Variants in RBMS3 observed in about 807,000 individuals in gnomAD.
The protein encoded by RBMS3 is RNA-binding motif, single-stranded-interacting protein 3.
A neutral mutation model predicts 66.8 loss-of-function variants in RBMS3; 27 were observed. The ratio of observed to expected loss-of-function variants is 0.40; its 90% CI spans 0.30 to 0.56. RBMS3 has a LOEUF of 0.56. Ranked by LOEUF, RBMS3 falls within the 20% of genes least tolerant of loss-of-function variation. The probability of loss-of-function intolerance (pLI) is 0.40; values close to 1 mark genes in which losing one functional copy is unlikely to be tolerated. For synonymous variants in RBMS3, 188 were observed against 183.0 expected (o/e 1.03, Z -0.22); for missense variants, 513 against 549.5 (o/e 0.93, Z 0.66).
intron 4 of RBMS3, among the ~76,000 whole-genome samples, chr3:29,680,006 A>G (rs1320971672): frequency 6.6e-6 from 1 of 152,064 alleles, no homozygotes; most frequent in Non-Finnish European, 1.5e-5. Context: ...CTGATAAAAT[A>G]CCTTTGTGTT....
At chr3:29,970,990 G>A (rs1271256999) in intron 12 of RBMS3, among the ~76,000 whole-genome samples, 1 of 152,050 alleles carries the variant, frequency 6.6e-6, no homozygotes, top group African/African-American at 2.4e-5. Flanking sequence ...AGCTTCTTCA[G>A]GTTTTCTCTC....
intron 4 of RBMS3, among the ~76,000 whole-genome samples, chr3:29,724,680 T>A (rs898353088): frequency 6.6e-6 from 1 of 152,176 alleles, no homozygotes; most frequent in Admixed American, 6.6e-5. Flanking sequence ...TCTTTTACAT[T>A]TTAAAATTTA....
At chr3:29,375,900 C>T (rs557383733) in intron 1 of RBMS3, among the ~76,000 whole-genome samples, 21 of 152,174 alleles carry the variant, frequency 1.4e-4, no homozygotes, top group East Asian at 3.9e-4. Context: ...CATGCACGTG[C>T]GTGCTCATTG....
At chr3:29,545,567 C>A (rs774426490) in intron 3 of RBMS3, among the ~76,000 whole-genome samples, 2 of 152,018 alleles carry the variant, frequency 1.3e-5, no homozygotes, top group Admixed American at 1.3e-4. Flanking sequence ...GGCATTTCAG[C>A]GCTATGTTGA....
In RBMS3 at chr3:29,545,193, C is replaced by G. The variant is rs551527480; in HGVS notation, c.308-41921C>G. ...AAATGATGTCACATATTTATATGTA[C>G]TGATGTAGTATAATGTCCATAATGC... On this transcript the variant is annotated intron_variant, in intron 3 of 14. Transcript: ENST00000383767. Among the ~76,000 whole-genome samples the G allele has an allele frequency of 4.6e-5, 7 of 152,056 alleles. No homozygotes were observed. In the East Asian group the frequency reaches 1.4e-3, roughly 29 times the overall value.
At chr3:29,585,136 T>A (rs2149090286) in intron 3 of RBMS3, among the ~76,000 whole-genome samples, 1 of 152,244 alleles carries the variant, frequency 6.6e-6, no homozygotes. Flanking sequence ...GTGCAGTGCC[T>A]GAAATAGAAC....
At chr3:29,746,236 G>T (rs1028661276) in intron 5 of RBMS3, among the ~76,000 whole-genome samples, 7 of 152,098 alleles carry the variant, frequency 4.6e-5, no homozygotes, top group African/African-American at 1.7e-4. Flanking sequence ...TTGGAGTATT[G>T]TTTTGACTGT....
chr3:29,508,421 A>G (rs1480876775), intron 3 of RBMS3, among the ~76,000 whole-genome samples: 1 of 152,090 alleles, frequency 6.6e-6, no homozygotes, highest in African/African-American at 2.4e-5. Flanking sequence ...CTCATTGTTC[A>G]GCTCCCACTT....
intron 10 of RBMS3, among the ~76,000 whole-genome samples, chr3:29,930,290 T>G (rs2149678252): frequency 6.6e-6 from 1 of 151,432 alleles, no homozygotes; most frequent in Non-Finnish European, 1.5e-5. Flanking sequence ...TTTTTCTATT[T>G]TTTAGTAGAG....
intron 8 of RBMS3, among the ~76,000 whole-genome samples, chr3:29,894,551 A>G (rs1368068671): frequency 2.0e-5 from 3 of 151,338 alleles, no homozygotes; most frequent in Admixed American, 1.3e-4. Context: ...CACTAATCCT[A>G]TTTCATTAAG....
At chr3:29,935,284 T>A (rs986216059) in intron 10 of RBMS3, among the ~76,000 whole-genome samples, 1 of 152,138 alleles carries the variant, frequency 6.6e-6, no homozygotes, top group Non-Finnish European at 1.5e-5. Flanking sequence ...TGCATATGGA[T>A]GGAAGTTTTT....
chr3:29,405,890 A>T (rs2039998784), intron 1 of RBMS3, among the ~76,000 whole-genome samples: 1 of 152,174 alleles, frequency 6.6e-6, no homozygotes, highest in Non-Finnish European at 1.5e-5. Flanking sequence ...GCTATCTCTT[A>T]AGAGGTGTAT....
At chr3:29,724,720 C>T (rs1030743266) in intron 4 of RBMS3, among the ~76,000 whole-genome samples, 2 of 151,968 alleles carry the variant, frequency 1.3e-5, no homozygotes, top group African/African-American at 4.8e-5. Context: ...AGCTGAGACA[C>T]CGTTTAAAAA....
chr3:29,642,071 C>G (rs909029544), intron 4 of RBMS3, among the ~76,000 whole-genome samples: 3 of 152,086 alleles, frequency 2.0e-5, no homozygotes, highest in African/African-American at 7.2e-5. Flanking sequence ...ACTGCTTTCA[C>G]TTACTGAACA....
chr3:29,673,270 C>G lies in RBMS3; in HGVS notation c.400-66450C>G, dbSNP rs1320878148. On this transcript the variant is annotated intron_variant, in intron 4 of 14. Transcript: ENST00000383767. Reference sequence around the variant, plus strand: ...GCAGTGTGTAGAGAGAAATTTATAGCACTAAATGCCCACAAGAGAAAGCAG... The same window carrying G: ...GCAGTGTGTAGAGAGAAATTTATAGGACTAAATGCCCACAAGAGAAAGCAG... Among the ~76,000 whole-genome samples, 8 of 152,250 alleles carry G rather than the reference C, an allele frequency of 5.3e-5. No individual in the cohort carries two copies. The South Asian group carries it at 1.5e-3, about 28-fold the overall frequency.
intron 3 of RBMS3, among the ~76,000 whole-genome samples, chr3:29,519,360 T>C (rs966602225): frequency 1.3e-5 from 2 of 152,110 alleles, no homozygotes; most frequent in African/African-American, 4.8e-5. Flanking sequence ...CGTTGGGTGA[T>C]GGAAGGGACA....
At chr3:29,707,282 A>T (rs1456626313) in intron 4 of RBMS3, among the ~76,000 whole-genome samples, 1 of 152,210 alleles carries the variant, frequency 6.6e-6, no homozygotes, top group Non-Finnish European at 1.5e-5. Context: ...CGAGAAGTGA[A>T]TTAAGATGTT....
At chr3:29,564,778 A>G (rs2046683870) in intron 3 of RBMS3, among the ~76,000 whole-genome samples, 1 of 152,188 alleles carries the variant, frequency 6.6e-6, no homozygotes. Context: ...CTTATGTTTC[A>G]GAATAGAATT....
intron 3 of RBMS3, among the ~76,000 whole-genome samples, chr3:29,496,723 G>A (rs919900248): frequency 6.6e-6 from 1 of 152,114 alleles, no homozygotes; most frequent in African/African-American, 2.4e-5. Context: ...ATTATTTAGT[G>A]TTAACTTTGA....
Sources: allele counts gnomAD v4.1 joint callset (sites outside exome capture counted in the v4.1 genomes callset), GRCh38; gene constraint gnomAD v4.1.1; transcripts MANE v1.5; gene names NCBI Gene and HGNC (gene_info 2026-07-23, HGNC 2026-07-21).